The following CCNJL variants were observed in gnomAD, a reference collection of about 807,000 sequenced individuals.
The protein encoded by CCNJL is cyclin J like, also known as cyclin-J-like protein.
Under a neutral mutation model 33.4 loss-of-function variants are expected in CCNJL, and 33 were observed. The observed-to-expected ratio is 0.99, with a 90% CI of 0.75 to 1.32. The LOEUF is 1.32. CCNJL is among the 40% of genes most tolerant of loss of function. The probability of loss-of-function intolerance (pLI) is 0.00; values close to 1 mark genes in which losing one functional copy is unlikely to be tolerated. For synonymous variants in CCNJL, 227 were observed against 220.9 expected (o/e 1.03, Z -0.24); for missense variants, 512 against 499.7 (o/e 1.02, Z -0.23).
intron 2 of CCNJL, among the ~76,000 whole-genome samples, chr5:160,296,068 C>T (rs1007593422): frequency 6.6e-6 from 1 of 152,228 alleles, no homozygotes; most frequent in Non-Finnish European, 1.5e-5. Context: ...TAGGCAGTGG[C>T]TAGCACAGTG....
At chr5:160,297,787 T>C (rs1581000219) in intron 2 of CCNJL, among the ~76,000 whole-genome samples, 2 of 152,272 alleles carry the variant, frequency 1.3e-5, no homozygotes, top group African/African-American at 4.8e-5. Flanking sequence ...GACAAATGTG[T>C]TAAAATGTTC....
At chr5:160,313,954 G>C (rs1209047046), upstream of CCNJL, among the ~76,000 whole-genome samples, 1 of 152,224 alleles carries the variant, frequency 6.6e-6, no homozygotes, top group African/African-American at 2.4e-5. Flanking sequence ...GATCACCTGA[G>C]GTCAGGAGTT....
intron 3 of CCNJL, among the ~76,000 whole-genome samples, chr5:160,276,620 AG>A (rs1762022402): frequency 6.6e-6 from 1 of 152,152 alleles, no homozygotes; most frequent in African/African-American, 2.4e-5. Flanking sequence ...GCTGGGGGAT[AG>A]GAAGAAACGG....
At chr5:160,308,065 G>A (rs1345067803) in intron 2 of CCNJL, among the ~76,000 whole-genome samples, 1 of 152,162 alleles carries the variant, frequency 6.6e-6, no homozygotes, top group Non-Finnish European at 1.5e-5. Context: ...GGTCCAAGTG[G>A]CTAACAGTGC....
At chr5:160,331,924 C>A (rs1763612746) in intron 1 of CCNJL, among the ~76,000 whole-genome samples, 1 of 152,078 alleles carries the variant, frequency 6.6e-6, no homozygotes, top group Non-Finnish European at 1.5e-5. Context: ...ATTCTCAGAC[C>A]CCATGTCAGA....
intron 2 of CCNJL, among the ~76,000 whole-genome samples, chr5:160,292,687 A>G (rs978219607): frequency 1.5e-5 from 1 of 66,122 alleles, no homozygotes; most frequent in African/African-American, 1.7e-4. Flanking sequence ...TAGTAGTTTT[A>G]TATATATATA....
intron 2 of CCNJL, among the ~76,000 whole-genome samples, chr5:160,292,216 T>A (rs1009194772): frequency 5.3e-5 from 8 of 152,220 alleles, no homozygotes; most frequent in African/African-American, 1.7e-4. Flanking sequence ...TTCTCATACC[T>A]TCCCGCAAGT....
At chr5:160,288,075 C>A (rs1580989374) in intron 2 of CCNJL, among the ~76,000 whole-genome samples, 1 of 152,078 alleles carries the variant, frequency 6.6e-6, no homozygotes, top group African/African-American at 2.4e-5. Context: ...AGAAATCCAC[C>A]TTACAAAAAC....
intron 3 of CCNJL, among the ~76,000 whole-genome samples, 188 bp downstream of exon 3, chr5:160,280,337 G>A (rs1366311272): frequency 1.3e-5 from 2 of 152,170 alleles, no homozygotes; most frequent in East Asian, 3.9e-4. Flanking sequence ...CTTATCACTT[G>A]GTCTGGTACA....
intron 1 of CCNJL, 60 bp downstream of exon 1, chr5:160,312,304 C>T (rs937244739): frequency 3.3e-6 from 1 of 303,162 alleles, no homozygotes; most frequent in Non-Finnish European, 6.2e-6. Context: ...CAACTCCTCC[C>T]CCGCCGCCCA....
intron 5 of CCNJL, chr5:160,255,291 T>C: frequency 4.1e-6 from 1 of 241,878 alleles, no homozygotes; most frequent in South Asian, 1.2e-4. Flanking sequence ...CCAGCCTGGG[T>C]GACAGAGCGA....
upstream of CCNJL, among the ~76,000 whole-genome samples, chr5:160,317,658 A>G (rs1763394744): frequency 6.6e-6 from 1 of 152,156 alleles, no homozygotes; most frequent in Non-Finnish European, 1.5e-5. Context: ...AGTACCTGAG[A>G]GGCTGTGCTT....
At chr5:160,260,689 C>T (rs1761286190) in intron 3 of CCNJL, among the ~76,000 whole-genome samples, 1 of 152,094 alleles carries the variant, frequency 6.6e-6, no homozygotes, top group African/African-American at 2.4e-5. Context: ...CTCAATGTTC[C>T]TCACTCTGGG....
At chr5:160,317,488 A>G (rs1220463590), upstream of CCNJL, among the ~76,000 whole-genome samples, 2 of 152,226 alleles carry the variant, frequency 1.3e-5, no homozygotes, top group Non-Finnish European at 1.5e-5. Flanking sequence ...GAGGAGACAC[A>G]TGATAAGTGT....
At chr5:160,278,861 C>T (rs771960335) in intron 3 of CCNJL, among the ~76,000 whole-genome samples, 9 of 152,214 alleles carry the variant, frequency 5.9e-5, no homozygotes, top group East Asian at 1.9e-4. Flanking sequence ...CCTCCACAGC[C>T]GGAGATGTTT....
chr5:160,338,153 T>TGG (rs1452146098), intron 1 of CCNJL, among the ~76,000 whole-genome samples: 8 of 152,234 alleles, frequency 5.3e-5, no homozygotes, highest in Admixed American at 5.2e-4. Context: ...TCCCAGCACT[T>TGG]TGGGAGGCCA....
intron 3 of CCNJL, among the ~76,000 whole-genome samples, chr5:160,263,733 T>A (rs1384493784): frequency 6.6e-6 from 1 of 152,204 alleles, no homozygotes; most frequent in Non-Finnish European, 1.5e-5. Context: ...GGGAAATTAA[T>A]AAATAATCTG....
intron 2 of CCNJL, among the ~76,000 whole-genome samples, chr5:160,282,984 T>TATATATATATATATATATATATATATAC (rs1762277374): frequency 1.7e-5 from 1 of 58,100 alleles, no homozygotes; most frequent in Non-Finnish European, 3.2e-5. Flanking sequence ...TATATATATA[T>TATATATATATATATATATATATATATAC]ATATATATAT....
chr5:160,269,477 G>A (rs1432757994), intron 3 of CCNJL: 2 of 456,424 alleles, frequency 4.4e-6, no homozygotes, highest in African/African-American at 4.0e-5. Flanking sequence ...GGCTGCCTCT[G>A]GCCCAGGTCT....
Sources: gnomAD v4.1 joint callset for allele counts (sites outside exome capture counted in the v4.1 genomes callset) on GRCh38, gnomAD v4.1.1 for gene constraint, MANE v1.5 for transcripts, NCBI Gene and HGNC (gene_info 2026-07-23, HGNC 2026-07-21) for gene names.